Variants in GPHN observed in about 807,000 individuals in gnomAD.
The protein encoded by GPHN is gephyrin.
Under a neutral mutation model 95.5 loss-of-function variants are expected in GPHN, and 17 were observed. The observed-to-expected ratio is 0.18, with a 90% CI of 0.12 to 0.27. The LOEUF (loss-of-function observed/expected upper bound fraction) is 0.27, where lower values mean the gene tolerates loss of function less well. GPHN is among the 10% of genes least tolerant of loss of function. The probability of loss-of-function intolerance (pLI) is 1.00; values close to 1 mark genes in which losing one functional copy is unlikely to be tolerated. For synonymous variants in GPHN, 320 were observed against 322.5 expected, an observed-to-expected ratio of 0.99 and a Z score of 0.08; for missense variants, 660 against 978.1, an observed-to-expected ratio of 0.67 and a Z score of 4.34.
At chr14:67,182,209 G>A (rs530813796), downstream of GPHN, among the ~76,000 whole-genome samples, 80 of 152,274 alleles carry the variant, frequency 5.3e-4, no homozygotes, top group South Asian at 9.5e-3. Flanking sequence ...TGAGCGCCTC[G>A]AAATTTTTAA....
At chr14:67,329,936 C>T in the GPHN span, among the ~76,000 whole-genome samples, 1 of 150,332 alleles carries the variant, frequency 6.7e-6, no homozygotes, top group Non-Finnish European at 1.5e-5. Context: ...ATGTAACCAA[C>T]CAGTTATGTA....
At chr14:67,376,311 A>G in the GPHN span, 1 of 946,386 alleles carries the variant, frequency 1.1e-6, no homozygotes, top group East Asian at 2.7e-5. Context: ...TAAAGTGAGT[A>G]TTTCCCTATG....
At chr14:67,276,205 A>T in the GPHN span, among the ~76,000 whole-genome samples, 2 of 151,682 alleles carry the variant, frequency 1.3e-5, no homozygotes, top group Non-Finnish European at 2.9e-5. Flanking sequence ...CAGGGTAAAG[A>T]TCTAAAACTC....
the GPHN span, chr14:67,695,526 G>GC: frequency 6.6e-5 from 75 of 1,140,186 alleles, no homozygotes; most frequent in South Asian, 6.4e-5. Context: ...CCATCTTGGA[G>GC]CCCCCCCAGG....
intron 1 of GPHN, among the ~76,000 whole-genome samples, chr14:66,651,277 G>A (rs894240951): frequency 1.3e-5 from 2 of 152,162 alleles, no homozygotes; most frequent in Non-Finnish European, 2.9e-5. Context: ...TCGATCTGTC[G>A]CTTCAGGGGA....
chr14:66,835,803 C>T (rs2061778064), intron 4 of GPHN, among the ~76,000 whole-genome samples: 1 of 152,044 alleles, frequency 6.6e-6, no homozygotes, highest in African/African-American at 2.4e-5. Context: ...ACACCAACAA[C>T]AGACAGAGAG....
At chr14:66,923,077 C>T (rs900978716) in intron 7 of GPHN, 139 bp downstream of exon 7, 1 of 730,216 alleles carries the variant, frequency 1.4e-6, no homozygotes, top group Non-Finnish European at 2.4e-6. Context: ...ATGTCCATGA[C>T]ACTCCACTAC....
the GPHN span, among the ~76,000 whole-genome samples, chr14:67,480,274 C>G: frequency 6.6e-6 from 1 of 152,076 alleles, no homozygotes; most frequent in Non-Finnish European, 1.5e-5. Flanking sequence ...CAGGTTAGGT[C>G]TTCATCACAA....
At chr14:66,528,873 T>G (rs963036982) in intron 1 of GPHN, among the ~76,000 whole-genome samples, 6 of 152,160 alleles carry the variant, frequency 3.9e-5, no homozygotes, top group African/African-American at 7.2e-5. Flanking sequence ...TAACCCGACC[T>G]TTCTCTCTGG....
intron 8 of GPHN, among the ~76,000 whole-genome samples, chr14:66,961,849 T>C (rs1487516628): frequency 7.2e-6 from 1 of 138,616 alleles, no homozygotes; most frequent in Non-Finnish European, 1.6e-5. Context: ...CTTAGAAATT[T>C]TTTAAAGAAG....
chr14:67,374,403 A>G, the GPHN span: 2 of 961,728 alleles, frequency 2.1e-6, no homozygotes, highest in Admixed American at 2.6e-5. Flanking sequence ...TTGGTCTTCA[A>G]AGCTGGTTAC....
At chr14:66,695,295 G>A (rs1190651683) in intron 2 of GPHN, among the ~76,000 whole-genome samples, 1 of 152,184 alleles carries the variant, frequency 6.6e-6, no homozygotes, top group East Asian at 1.9e-4. Flanking sequence ...TACATTTTAT[G>A]TCATCATGGA....
intron 9 of GPHN, among the ~76,000 whole-genome samples, chr14:67,017,901 T>A (rs770881355): frequency 6.6e-6 from 1 of 152,096 alleles, no homozygotes; most frequent in African/African-American, 2.4e-5. Flanking sequence ...ATCATACTTA[T>A]ACTATTAAAA....
chr14:67,502,314 G>C, the GPHN span, among the ~76,000 whole-genome samples: 10 of 151,200 alleles, frequency 6.6e-5, no homozygotes, highest in African/African-American at 2.4e-4. Flanking sequence ...CTGGGCAACA[G>C]AGTGAGACTC....
At chr14:67,413,007 C>G in the GPHN span, among the ~76,000 whole-genome samples, 2 of 152,208 alleles carry the variant, frequency 1.3e-5, no homozygotes, top group African/African-American at 4.8e-5. Context: ...AAGCAATCCT[C>G]CGGCCTGGGC....
the GPHN span, chr14:67,320,982 TTC>T: frequency 1.6e-6 from 2 of 1,236,478 alleles, no homozygotes; most frequent in Admixed American, 1.8e-5. Context: ...TAGAAATTCT[TTC>T]TGACTAGCAG....
At chr14:67,440,005 T>A in the GPHN span, among the ~76,000 whole-genome samples, 2,985 of 152,076 alleles carry the variant, frequency 0.02, 174 homozygotes, top group South Asian at 0.12. Context: ...CCAGCTAATT[T>A]TCGTATTTTT....
the GPHN span, among the ~76,000 whole-genome samples, chr14:67,483,019 T>G: frequency 2.6e-5 from 4 of 152,166 alleles, no homozygotes; most frequent in Non-Finnish European, 5.9e-5. Context: ...TTGTTTGTTT[T>G]TTGTTTTTTT....
chr14:66,591,717 A>G (rs2061657058), intron 1 of GPHN, among the ~76,000 whole-genome samples: 1 of 152,242 alleles, frequency 6.6e-6, no homozygotes, highest in Admixed American at 6.5e-5. Flanking sequence ...TATCGTGAAA[A>G]TGACCATACT....
Sources: allele counts gnomAD v4.1 joint callset (sites outside exome capture counted in the v4.1 genomes callset), GRCh38; gene constraint gnomAD v4.1.1; transcripts MANE v1.5; gene names NCBI Gene and HGNC (gene_info 2026-07-23, HGNC 2026-07-21).